Variants in CFAP61 observed in about 807,000 individuals in gnomAD.
The protein encoded by CFAP61 is cilia and flagella associated protein 61, also known as cilia- and flagella-associated protein 61.
Under a neutral mutation model 135.6 loss-of-function variants are expected in CFAP61, and 107 were observed. That is an observed-to-expected ratio of 0.79 (90% CI 0.67 to 0.93). The LOEUF is 0.93. CFAP61 is among the 40% of genes least tolerant of loss of function. The probability of loss-of-function intolerance (pLI) is 0.00; values close to 1 mark genes in which losing one functional copy is unlikely to be tolerated. For missense variants in CFAP61, 1,507 were observed against 1,556.2 expected (o/e 0.97, Z 0.53); for synonymous variants, 575 against 578.5 (o/e 0.99, Z 0.09).
intron 17 of CFAP61, among the ~76,000 whole-genome samples, chr20:20,224,258 T>C (rs1273078435): frequency 6.6e-6 from 1 of 152,006 alleles, no homozygotes; most frequent in African/African-American, 2.4e-5. Flanking sequence ...GGTAAAGAGG[T>C]TAAAACATTA....
At chr20:20,244,044 G>C (rs1024566789) in intron 18 of CFAP61, among the ~76,000 whole-genome samples, 1 of 152,220 alleles carries the variant, frequency 6.6e-6, no homozygotes, top group Non-Finnish European at 1.5e-5. Flanking sequence ...TGCAAGAGGT[G>C]GGTTCCTATG....
rs371692474 is a variant in CFAP61, at chr20:20,298,321, G to A, written c.3357G>A (p.Gln1119=). 59 of 1,614,118 alleles carry A rather than the reference G, an allele frequency of 3.7e-5. No individual in the cohort carries two copies. The highest frequency in any genetic ancestry group is 1.6e-4 in the Middle Eastern group (1 of 6,062). ...CCAACTACATCCGCTTGTTTGGCCA[G>A]CACGAGCAACTCCTCAACAACCTGT... The part of the protein sequence containing the change: ...PASNYIRLFG[Q]HEQLLNNLCA... Residue 1119 remains glutamine, a synonymous_variant, in exon 25 of 27, where the codon CAG becomes CAA. Transcript: ENST00000245957.
intron 15 of CFAP61, among the ~76,000 whole-genome samples, chr20:20,194,062 TA>T (rs1326940688): frequency 1.2e-4 from 18 of 152,242 alleles, no homozygotes; most frequent in Non-Finnish European, 4.4e-5. Context: ...TTTCTTTTTG[TA>T]TCTGGAATTC....
At chr20:20,090,506 A>C (rs1197508568) in intron 6 of CFAP61, among the ~76,000 whole-genome samples, 1 of 152,102 alleles carries the variant, frequency 6.6e-6, no homozygotes, top group Admixed American at 6.5e-5. Context: ...CCTGGCCAAC[A>C]TGGTGAAACC....
chr20:20,344,364 G>T (rs780663621), intron 26 of CFAP61, among the ~76,000 whole-genome samples: 1 of 152,136 alleles, frequency 6.6e-6, no homozygotes, highest in Non-Finnish European at 1.5e-5. Flanking sequence ...CACACAATCA[G>T]ATATACAGGA....
chr20:20,288,119 A>G (rs372096037), intron 22 of CFAP61, among the ~76,000 whole-genome samples: 1 of 122,966 alleles, frequency 8.1e-6, no homozygotes, highest in Admixed American at 7.9e-5. Flanking sequence ...GGAGCATCAT[A>G]TAGGGACAAG....
At chr20:20,319,180 C>A (rs2122233022) in intron 25 of CFAP61, among the ~76,000 whole-genome samples, 1 of 152,312 alleles carries the variant, frequency 6.6e-6, no homozygotes, top group Non-Finnish European at 1.5e-5. Context: ...GCATTGCTCC[C>A]CATCTTCCAG....
At position 20,191,740 on chromosome 20, in the gene CFAP61, T is replaced by C. The variant is rs2055935933; in HGVS notation, c.1590+321T>C. Among the ~76,000 whole-genome samples the C allele has an allele frequency of 2.0e-5, 3 of 151,618 alleles. No individual in the cohort carries two copies. The South Asian group carries it at 6.2e-4, about 31-fold the overall frequency. On this transcript the variant is annotated intron_variant, in intron 15 of 26. Coordinates refer to ENST00000245957, the MANE Select transcript of CFAP61 (RefSeq NM_015585.4). ...GTTCTAAGTATTACTACTGTAGTGA[T>C]GCATTTATACCTTCCAGCATTCTTC... is the stretch of plus-strand genomic sequence containing the variant.
At chr20:20,336,792 G>T (rs1184098424) in intron 25 of CFAP61, among the ~76,000 whole-genome samples, 1 of 152,206 alleles carries the variant, frequency 6.6e-6, no homozygotes, top group African/African-American at 2.4e-5. Flanking sequence ...GAGGGCCACA[G>T]TGCCAGGCCT....
chr20:20,192,828 G>T (rs1222813367), intron 15 of CFAP61, among the ~76,000 whole-genome samples: 1 of 152,244 alleles, frequency 6.6e-6, no homozygotes, highest in East Asian at 1.9e-4. Flanking sequence ...CTTGTGTATG[G>T]AAAAGCTACT....
chr20:20,324,219 GA>G (rs2057662586), intron 25 of CFAP61, among the ~76,000 whole-genome samples: 2 of 152,176 alleles, frequency 1.3e-5, no homozygotes, highest in South Asian at 4.2e-4. Context: ...GATTAAGTAG[GA>G]AAGATAGAAA....
chr20:20,057,899 T>A (rs948379919), intron 2 of CFAP61, among the ~76,000 whole-genome samples: 1 of 152,102 alleles, frequency 6.6e-6, no homozygotes, highest in African/African-American at 2.4e-5. Flanking sequence ...GTTTGTTTGT[T>A]TGTTTTTTAG....
chr20:20,169,134 G>A (rs546675269), intron 12 of CFAP61, among the ~76,000 whole-genome samples, 187 bp from the exon 13 acceptor site: 1 of 152,194 alleles, frequency 6.6e-6, no homozygotes, highest in African/African-American at 2.4e-5. Flanking sequence ...CCTTTTCCCT[G>A]CTCTTGTAGT....
chr20:20,148,469 C>A (rs752338721), intron 9 of CFAP61, among the ~76,000 whole-genome samples: 2 of 152,028 alleles, frequency 1.3e-5, no homozygotes, highest in Non-Finnish European at 2.9e-5. Flanking sequence ...CTTTCACCTC[C>A]TTGGTTAAGT....
intron 25 of CFAP61, among the ~76,000 whole-genome samples, chr20:20,328,387 A>G (rs1305380309): frequency 6.6e-6 from 1 of 152,190 alleles, no homozygotes; most frequent in Non-Finnish European, 1.5e-5. Flanking sequence ...CTCTGGTGAT[A>G]TATACAACTG....
At chr20:20,320,268 G>C (rs1185227349) in intron 25 of CFAP61, among the ~76,000 whole-genome samples, 1 of 139,550 alleles carries the variant, frequency 7.2e-6, no homozygotes, top group African/African-American at 2.7e-5. Flanking sequence ...AGTTAATGAT[G>C]ATAAGCAATT....
At chr20:20,245,242 G>GT (rs1177772456) in intron 18 of CFAP61, among the ~76,000 whole-genome samples, 1 of 152,156 alleles carries the variant, frequency 6.6e-6, no homozygotes, top group Non-Finnish European at 1.5e-5. Flanking sequence ...CCAATTTACT[G>GT]TATTAGTCCA....
At chr20:20,296,104 TCCCTCCCTCCTTC>T (rs2055476561) in intron 24 of CFAP61, among the ~76,000 whole-genome samples, 1 of 17,750 alleles carries the variant, frequency 5.6e-5, no homozygotes, top group Non-Finnish European at 1.1e-4. Context: ...CTTCCTTCCT[TCCCTCCCTCCTTC>T]CCTTCCTTCC....
intron 17 of CFAP61, among the ~76,000 whole-genome samples, chr20:20,218,726 C>T (rs965108530): frequency 5.9e-5 from 9 of 152,228 alleles, no homozygotes; most frequent in African/African-American, 2.2e-4. Context: ...GCCTCATTCA[C>T]ACCTCAGCAT....
Sources: allele counts gnomAD v4.1 joint callset (sites outside exome capture counted in the v4.1 genomes callset), GRCh38; gene constraint gnomAD v4.1.1; transcripts MANE v1.5; gene names NCBI Gene and HGNC (gene_info 2026-07-23, HGNC 2026-07-21).